Variants in ESR1 observed in about 807,000 individuals in gnomAD.
ESR1 encodes the protein estrogen receptor.
A neutral mutation model predicts 52.7 loss-of-function variants in ESR1; 12 were observed. That is an observed-to-expected ratio of 0.23 (90% CI 0.15 to 0.37). The LOEUF (loss-of-function observed/expected upper bound fraction) is 0.37. ESR1 is among the 10% of genes least tolerant of loss of function. ESR1 has a pLI of 1.00. For synonymous variants in ESR1, 305 were observed against 316.8 expected, an observed-to-expected ratio of 0.96 and a Z score of 0.39; for missense variants, 584 against 779.7, an observed-to-expected ratio of 0.75 and a Z score of 2.99.
At chr6:151,965,576 C>T (rs1401890577) in intron 4 of ESR1, among the ~76,000 whole-genome samples, 1 of 152,080 alleles carries the variant, frequency 6.6e-6, no homozygotes, top group African/African-American at 2.4e-5. Context: ...CTTTCCTACC[C>T]TCTACCTACT....
intron 4 of ESR1, among the ~76,000 whole-genome samples, chr6:151,971,898 G>T (rs2038952482): frequency 6.6e-6 from 1 of 151,922 alleles, no homozygotes; most frequent in Non-Finnish European, 1.5e-5. Flanking sequence ...TAAATAAAAT[G>T]GATATAACAC....
intron 2 of ESR1, among the ~76,000 whole-genome samples, chr6:151,753,540 A>G (rs1784061559): frequency 6.6e-6 from 1 of 151,756 alleles, no homozygotes; most frequent in African/African-American, 2.4e-5. Context: ...GTGGTCTCAA[A>G]CTCCTGGCCT....
intron 4 of ESR1, among the ~76,000 whole-genome samples, chr6:151,958,809 A>G (rs1259871307): frequency 6.6e-6 from 1 of 152,210 alleles, no homozygotes; most frequent in Non-Finnish European, 1.5e-5. Context: ...TTCAGAAAGC[A>G]TCACTCCCCT....
chr6:151,942,637 A>G (rs2035204436), intron 3 of ESR1, among the ~76,000 whole-genome samples: 1 of 151,018 alleles, frequency 6.6e-6, no homozygotes, highest in Admixed American at 6.6e-5. Flanking sequence ...TTAATATATT[A>G]TATATATAAA....
intron 2 of ESR1, among the ~76,000 whole-genome samples, chr6:151,775,859 T>G (rs573748672): frequency 2.6e-5 from 4 of 152,088 alleles, no homozygotes; most frequent in Middle Eastern, 6.8e-3. Context: ...CCTGCTATGC[T>G]AGGTCTCAGA....
chr6:152,005,686 A>G (rs2042275302), intron 4 of ESR1, among the ~76,000 whole-genome samples: 1 of 152,012 alleles, frequency 6.6e-6, no homozygotes, highest in Non-Finnish European at 1.5e-5. Flanking sequence ...GTCCATCTGC[A>G]TTTTACAGAC....
At chr6:151,869,342 T>C (rs1180698252) in intron 2 of ESR1, among the ~76,000 whole-genome samples, 1 of 152,132 alleles carries the variant, frequency 6.6e-6, no homozygotes, top group East Asian at 1.9e-4. Flanking sequence ...ACACCAGTCG[T>C]CACAATTCTC....
At chr6:151,749,154 G>C (rs1783709187) in intron 2 of ESR1, among the ~76,000 whole-genome samples, 1 of 144,318 alleles carries the variant, frequency 6.9e-6, no homozygotes, top group Admixed American at 7.0e-5. Flanking sequence ...GAAAAAAAAG[G>C]ACCCTCAAAT....
At chr6:152,020,765 T>C (rs895531421) in intron 5 of ESR1, among the ~76,000 whole-genome samples, 2 of 152,282 alleles carry the variant, frequency 1.3e-5, no homozygotes, top group Admixed American at 6.5e-5. Flanking sequence ...AGTTCTTAAT[T>C]TGATGAATGG....
At chr6:152,121,380 G>C (rs1021574637) in intron 6 of ESR1, among the ~76,000 whole-genome samples, 2 of 152,152 alleles carry the variant, frequency 1.3e-5, no homozygotes, top group African/African-American at 4.8e-5. Context: ...AGGGACCTCA[G>C]ATATCAGCTC....
chr6:151,741,934 T>C (rs1475642307), intron 2 of ESR1, among the ~76,000 whole-genome samples: 1 of 152,216 alleles, frequency 6.6e-6, no homozygotes, highest in East Asian at 1.9e-4. Flanking sequence ...CTCATTTTCT[T>C]CCCTTCCCCC....
At chr6:151,944,089 A>G in intron 3 of ESR1, 84 bp from the exon 4 acceptor site, 1 of 1,155,208 alleles carries the variant, frequency 8.7e-7, no homozygotes, top group Non-Finnish European at 1.3e-6. Context: ...ATAAAATGAA[A>G]GCTGGTTAGC....
At chr6:151,719,115 A>G (rs1781264760) in intron 2 of ESR1, among the ~76,000 whole-genome samples, 1 of 152,198 alleles carries the variant, frequency 6.6e-6, no homozygotes, top group Non-Finnish European at 1.5e-5. Context: ...ATGTCAAAGT[A>G]GTGTTCTGGA....
At chr6:151,968,670 G>A (rs2038563154) in intron 4 of ESR1, among the ~76,000 whole-genome samples, 2 of 152,054 alleles carry the variant, frequency 1.3e-5, no homozygotes, top group South Asian at 2.1e-4. Context: ...TTTACAAATG[G>A]GAGTCAAGGT....
chr6:152,105,562 A>G (rs543920780), downstream of ESR1, among the ~76,000 whole-genome samples: 1 of 151,102 alleles, frequency 6.6e-6, no homozygotes, highest in Non-Finnish European at 1.5e-5. Context: ...AGTAGCTGGG[A>G]TTACAGGCGA....
chr6:151,953,613 C>T (rs775029202), intron 4 of ESR1, among the ~76,000 whole-genome samples: 1 of 151,778 alleles, frequency 6.6e-6, no homozygotes, highest in Non-Finnish European at 1.5e-5. Flanking sequence ...CCCAGCTACT[C>T]GGGAGGCTGA....
At chr6:151,725,690 T>G (rs1384859321) in intron 2 of ESR1, among the ~76,000 whole-genome samples, 3 of 152,196 alleles carry the variant, frequency 2.0e-5, no homozygotes. Context: ...CCAAAACAAA[T>G]CACATTTGTA....
intron 6 of ESR1, among the ~76,000 whole-genome samples, chr6:152,114,764 G>A (rs1484212733): frequency 3.3e-5 from 5 of 150,232 alleles, no homozygotes; most frequent in Admixed American, 2.0e-4. Context: ...AGTGGCGGGC[G>A]CCTGTAGTCC....
At chr6:151,899,068 G>C (rs1796064058) in intron 3 of ESR1, among the ~76,000 whole-genome samples, 1 of 147,994 alleles carries the variant, frequency 6.8e-6, no homozygotes, top group African/African-American at 2.5e-5. Context: ...CGGCTGGCCG[G>C]GTGGGGGGCT....
Sources: allele counts gnomAD v4.1 joint callset (sites outside exome capture counted in the v4.1 genomes callset), GRCh38; gene constraint gnomAD v4.1.1; transcripts MANE v1.5; gene names NCBI Gene and HGNC (gene_info 2026-07-23, HGNC 2026-07-21).